Variants in VWC2 observed in about 807,000 individuals in gnomAD.
VWC2 encodes brorin.
In VWC2, 14 loss-of-function variants were observed where a neutral mutation model predicts 29.8. That is an observed-to-expected ratio of 0.47 (90% CI 0.31 to 0.74). The LOEUF is 0.74. Ranked by LOEUF, VWC2 falls within the 30% of genes least tolerant of loss-of-function variation. The probability of loss-of-function intolerance (pLI) is 0.05; values close to 1 mark genes in which losing one functional copy is unlikely to be tolerated. For missense variants in VWC2, 457 were observed against 459.8 expected (o/e 0.99, Z 0.05); for synonymous variants, 213 against 199.0 (o/e 1.07, Z -0.59).
At chr7:49,850,406 A>G (rs968191537) in intron 3 of VWC2, 2 of 152,298 alleles carry the variant, frequency 1.3e-5, no homozygotes, top group Admixed American at 6.5e-5. Context: ...ATCCAGTGTA[A>G]GAGGCCTCCT....
intron 3 of VWC2, among the ~76,000 whole-genome samples, chr7:49,860,475 G>A (rs1304379291): frequency 3.3e-5 from 5 of 152,160 alleles, no homozygotes; most frequent in Non-Finnish European, 4.4e-5. Context: ...GTATGTATAT[G>A]CCGTGATTTG....
chr7:49,902,655 A>G (rs1013676933), intron 3 of VWC2, among the ~76,000 whole-genome samples: 2 of 152,008 alleles, frequency 1.3e-5, no homozygotes, highest in African/African-American at 4.8e-5. Flanking sequence ...AAAGTATAAC[A>G]TTCTTATGAA....
At chr7:49,882,097 T>C (rs1791689372) in intron 3 of VWC2, among the ~76,000 whole-genome samples, 2 of 152,164 alleles carry the variant, frequency 1.3e-5, no homozygotes, top group African/African-American at 4.8e-5. Flanking sequence ...CAAAAAATGA[T>C]GTATAAACAT....
intron 3 of VWC2, among the ~76,000 whole-genome samples, chr7:49,882,188 G>A (rs540591115): frequency 6.8e-4 from 104 of 152,238 alleles, no homozygotes; most frequent in African/African-American, 2.3e-3. Flanking sequence ...TAATTTAAAA[G>A]AGAACAAAAC....
intron 2 of VWC2, among the ~76,000 whole-genome samples, chr7:49,778,280 T>G (rs1788094481): frequency 6.6e-6 from 1 of 152,098 alleles, no homozygotes; most frequent in Non-Finnish European, 1.5e-5. Flanking sequence ...AAAGGGAAAT[T>G]GGAAAGATTA....
chr7:49,835,039 T>A (rs1789625921), intron 3 of VWC2, among the ~76,000 whole-genome samples: 1 of 152,196 alleles, frequency 6.6e-6, no homozygotes, highest in South Asian at 2.1e-4. Flanking sequence ...GAGTGCTCCT[T>A]TGTTACAGAC....
intron 3 of VWC2, among the ~76,000 whole-genome samples, chr7:49,896,016 G>C (rs568448825): frequency 2.0e-5 from 3 of 152,192 alleles, no homozygotes; most frequent in Admixed American, 6.5e-5. Context: ...TGTGCTTCAA[G>C]TCTATAAAAT....
At chr7:49,803,228 A>G (rs1788786497) in intron 3 of VWC2, among the ~76,000 whole-genome samples, 1 of 152,210 alleles carries the variant, frequency 6.6e-6, no homozygotes, top group Non-Finnish European at 1.5e-5. Flanking sequence ...AACATAATTG[A>G]ATATTTTTCA....
At chr7:49,855,532 C>T (rs73330437) in intron 3 of VWC2, among the ~76,000 whole-genome samples, 5 of 152,046 alleles carry the variant, frequency 3.3e-5, no homozygotes, top group Non-Finnish European at 5.9e-5. Context: ...GAAGGCTCAG[C>T]GAGGACAGGT....
chr7:49,853,092 A>C (rs1018708053), intron 3 of VWC2, among the ~76,000 whole-genome samples: 9 of 152,246 alleles, frequency 5.9e-5, no homozygotes, highest in African/African-American at 2.2e-4. Context: ...CTCTTGCTGC[A>C]GGCTGAAGGC....
chr7:49,793,201 T>G (rs902515992), intron 2 of VWC2, among the ~76,000 whole-genome samples: 4 of 152,232 alleles, frequency 2.6e-5, no homozygotes, highest in African/African-American at 7.2e-5. Flanking sequence ...AAATGACCTT[T>G]GATATGGAAC....
intron 3 of VWC2, among the ~76,000 whole-genome samples, chr7:49,818,464 C>A (rs184890149): frequency 6.6e-6 from 1 of 152,070 alleles, no homozygotes; most frequent in African/African-American, 2.4e-5. Context: ...ATGTCTTATG[C>A]CAGTCTGATG....
intron 3 of VWC2, among the ~76,000 whole-genome samples, chr7:49,803,922 G>A (rs1488756920): frequency 6.6e-6 from 1 of 152,168 alleles, no homozygotes; most frequent in Non-Finnish European, 1.5e-5. Context: ...TTGGAAGAGG[G>A]AATGATGTTG....
chr7:49,786,858 A>G (rs1788311929), intron 2 of VWC2, among the ~76,000 whole-genome samples: 1 of 152,040 alleles, frequency 6.6e-6, no homozygotes, highest in Non-Finnish European at 1.5e-5. Flanking sequence ...GATTTGTTTA[A>G]ATTTCTTATA....
At chr7:49,780,133 A>G (rs1788143146) in intron 2 of VWC2, among the ~76,000 whole-genome samples, 1 of 152,214 alleles carries the variant, frequency 6.6e-6, no homozygotes, top group African/African-American at 2.4e-5. Flanking sequence ...GCATCAGCAC[A>G]CATGATGGGA....
At chr7:49,783,503 AC>A (rs1483450380) in intron 2 of VWC2, among the ~76,000 whole-genome samples, 1 of 152,168 alleles carries the variant, frequency 6.6e-6, no homozygotes. Context: ...AGGCCTACCT[AC>A]CCTGTGACCA....
chr7:49,844,645 T>C (rs1789877102), intron 3 of VWC2, among the ~76,000 whole-genome samples: 1 of 152,194 alleles, frequency 6.6e-6, no homozygotes, highest in East Asian at 1.9e-4. Context: ...GGTCAATGGA[T>C]CTGACACGTA....
chr7:49,782,349 G>A (rs1788196933), intron 2 of VWC2, among the ~76,000 whole-genome samples: 1 of 152,096 alleles, frequency 6.6e-6, no homozygotes, highest in Admixed American at 6.5e-5. Context: ...AATCATACAG[G>A]CAGTTGATAT....
intron 3 of VWC2, among the ~76,000 whole-genome samples, chr7:49,856,901 C>T (rs1244594064): frequency 2.0e-5 from 3 of 149,114 alleles, no homozygotes; most frequent in Non-Finnish European, 4.4e-5. Context: ...CCCAGCTACT[C>T]GGGAGGCTGA....
Sources: allele counts gnomAD v4.1 joint callset (sites outside exome capture counted in the v4.1 genomes callset), GRCh38; gene constraint gnomAD v4.1.1; transcripts MANE v1.5; gene names NCBI Gene and HGNC (gene_info 2026-07-23, HGNC 2026-07-21).